FAT3: variants seen among roughly 807,000 people sequenced by gnomAD.
The protein encoded by FAT3 is FAT atypical cadherin 3, also known as protocadherin Fat 3.
A neutral mutation model predicts 310.2 loss-of-function variants in FAT3; 95 were observed. That is an observed-to-expected ratio of 0.31 (90% CI 0.26 to 0.36). The LOEUF (loss-of-function observed/expected upper bound fraction) is 0.36, where lower values mean the gene tolerates loss of function less well. Among genes scored for constraint, FAT3 ranks in the 10% least tolerant of loss-of-function variants. The pLI, the probability that FAT3 is intolerant of heterozygous loss-of-function variation, is 1.00. For synonymous variants in FAT3, 2,314 were observed against 2,192.9 expected, an observed-to-expected ratio of 1.06 and a Z score of -1.54; for missense variants, 5,408 against 5,715.6, an observed-to-expected ratio of 0.95 and a Z score of 1.74.
At chr11:92,555,154 A>G (rs998444785) in intron 3 of FAT3, among the ~76,000 whole-genome samples, 1 of 152,202 alleles carries the variant, frequency 6.6e-6, no homozygotes, top group African/African-American at 2.4e-5. Context: ...GAAAATTTGC[A>G]GGTACTGCAA....
chr11:92,870,756 C>A (rs1031626236), intron 22 of FAT3, among the ~76,000 whole-genome samples: 1 of 152,232 alleles, frequency 6.6e-6, no homozygotes, highest in South Asian at 2.1e-4. Context: ...AGAAGCCTAA[C>A]TCCTGAGCTC....
chr11:92,609,482 T>A (rs1240445109), intron 3 of FAT3, among the ~76,000 whole-genome samples: 2 of 152,200 alleles, frequency 1.3e-5, no homozygotes, highest in African/African-American at 4.8e-5. Context: ...AAATCCCTGG[T>A]GGAATTTGAA....
intron 3 of FAT3, among the ~76,000 whole-genome samples, chr11:92,656,511 A>G (rs1324248802): frequency 6.6e-6 from 1 of 152,244 alleles, no homozygotes; most frequent in Non-Finnish European, 1.5e-5. Flanking sequence ...TTCTTGATGT[A>G]ATGGCACAAC....
intron 4 of FAT3, among the ~76,000 whole-genome samples, chr11:92,709,072 T>C (rs1182730964): frequency 6.6e-6 from 1 of 152,178 alleles, no homozygotes; most frequent in Non-Finnish European, 1.5e-5. Flanking sequence ...AGGAGCTCCA[T>C]AAATTAGTCT....
intron 3 of FAT3, among the ~76,000 whole-genome samples, chr11:92,554,166 A>G (rs1954924177): frequency 6.6e-6 from 1 of 152,006 alleles, no homozygotes; most frequent in African/African-American, 2.4e-5. Context: ...GGGAAGAAAG[A>G]AAATGAATGG....
intron 2 of FAT3, among the ~76,000 whole-genome samples, chr11:92,384,103 A>G (rs1949564759): frequency 6.6e-6 from 1 of 152,172 alleles, no homozygotes; most frequent in African/African-American, 2.4e-5. Context: ...TAAGTGTGGT[A>G]AGTCATTAAT....
chr11:92,229,795 C>CTTTTTT (rs375129999), intron 1 of FAT3, among the ~76,000 whole-genome samples: 1 of 107,918 alleles, frequency 9.3e-6, no homozygotes, highest in African/African-American at 3.4e-5. Flanking sequence ...GATTTTTTTT[C>CTTTTTT]TTTTTTTTTT....
chr11:92,662,956 G>A (rs1188415065), intron 3 of FAT3, among the ~76,000 whole-genome samples: 1 of 152,196 alleles, frequency 6.6e-6, no homozygotes, highest in African/African-American at 2.4e-5. Flanking sequence ...GATGTCCTGT[G>A]GGAATGGCCC....
In FAT3 at chr11:92,255,084, C is replaced by A. The variant is rs571642376; in HGVS notation, c.-18+29910C>A. ...GAAACATATCCAAAATTTATAGCAG[C>A]AAATATAATAGCTACTTTGCCTTTG... On this transcript the variant is annotated intron_variant, in intron 1 of 27. Coordinates refer to ENST00000525166, the MANE Select transcript of FAT3 (RefSeq NM_001367949.2). Among the ~76,000 whole-genome samples, 44 of 152,138 alleles carry A rather than the reference C, an allele frequency of 2.9e-4. No homozygotes were observed. The East Asian group carries it at 3.5e-3, about 12-fold the overall frequency.
chr11:92,801,422 G>T lies in FAT3; in HGVS notation c.8409G>T (p.Lys2803Asn), dbSNP rs771160027. The part of the protein sequence containing the change: ...DIVFTVDVDI[K>N]VLDLNDNKPV... Reference sequence around the variant, plus strand: ...TGTTTACTGTGGATGTAGATATCAAGGTATTGGATTTGAATGACAACAAGC... The same window carrying T: ...TGTTTACTGTGGATGTAGATATCAATGTATTGGATTTGAATGACAACAAGC... The change falls in exon 10 of 28, where the codon AAG becomes AAT. Residue 2803 changes from lysine (K) to asparagine (N), a missense_variant. By Grantham distance (94) the Lys-to-Asn change is moderately conservative. Around this residue, in one of 5 missense-constraint regions of FAT3, gnomAD observed 4,588 missense variants for 4,809.8 expected, o/e 0.95. Transcript: ENST00000525166. The T allele has an allele frequency of 1.2e-5, 20 of 1,613,760 alleles. No individual in the cohort carries two copies. The Admixed American group carries it at 3.3e-4, about 27-fold the overall frequency.
rs1209690619 is a variant in FAT3 at position 92,891,155 on chromosome 11, G to A, written c.*42G>A. 6.3e-7 allele frequency: 1 copy of A among 1,595,142 alleles called. No homozygotes were observed. The highest frequency in any genetic ancestry group is 8.5e-7 in the Non-Finnish European group (1 of 1,170,340). On this transcript the variant is annotated 3_prime_UTR_variant, in exon 28 of 28. Transcript: ENST00000525166. ...ACTTCACCCTGTTTGTTACAGAAAAGTGGAAGCAGATTGGCTGGGCTTCTG... is the reference window on the plus strand; with the variant it reads ...ACTTCACCCTGTTTGTTACAGAAAAATGGAAGCAGATTGGCTGGGCTTCTG...
intron 21 of FAT3, among the ~76,000 whole-genome samples, chr11:92,864,056 A>T (rs904651602): frequency 2.6e-5 from 4 of 152,206 alleles, no homozygotes; most frequent in African/African-American, 9.7e-5. Context: ...AATAAAAATA[A>T]AAAGCAAGCT....
intron 3 of FAT3, among the ~76,000 whole-genome samples, chr11:92,654,861 G>GA (rs1487758872): frequency 6.6e-6 from 1 of 151,966 alleles, no homozygotes; most frequent in Non-Finnish European, 1.5e-5. Context: ...ACTTCCTCCT[G>GA]AAAAAAATAA....
At chr11:92,228,234 G>A (rs58034533) in intron 1 of FAT3, among the ~76,000 whole-genome samples, 22,894 of 152,124 alleles carry the variant, frequency 0.15, 2,056 homozygotes, top group East Asian at 0.38. Flanking sequence ...AGGGTTTGTT[G>A]ACCAGCGACT....
chr11:92,519,576 A>T (rs1953613743), intron 2 of FAT3, among the ~76,000 whole-genome samples: 1 of 152,232 alleles, frequency 6.6e-6, no homozygotes, highest in South Asian at 2.1e-4. Flanking sequence ...TACTATTATA[A>T]GAGTGAAAAG....
chr11:92,873,429 T>G (rs751500720), intron 22 of FAT3, among the ~76,000 whole-genome samples: 16 of 152,216 alleles, frequency 1.1e-4, no homozygotes, highest in Non-Finnish European at 1.9e-4. Flanking sequence ...TCCACCTTTG[T>G]GCAGCAGGCA....
intron 3 of FAT3, among the ~76,000 whole-genome samples, chr11:92,574,216 A>G (rs1938342774): frequency 6.6e-6 from 1 of 152,150 alleles, no homozygotes; most frequent in African/African-American, 2.4e-5. Flanking sequence ...GTTAAATACA[A>G]ATGTCTGTGA....
intron 3 of FAT3, among the ~76,000 whole-genome samples, chr11:92,642,156 C>G (rs1390513134): frequency 6.6e-6 from 1 of 152,206 alleles, no homozygotes; most frequent in African/African-American, 2.4e-5. Flanking sequence ...GGAACTGATC[C>G]AAGCCAGCCA....
At chr11:92,581,654 A>T (rs939427302) in intron 3 of FAT3, among the ~76,000 whole-genome samples, 1 of 151,616 alleles carries the variant, frequency 6.6e-6, no homozygotes. Flanking sequence ...AGGTCTGCCA[A>T]GGGGGGGGAT....
Sources: gnomAD v4.1 joint callset for allele counts (sites outside exome capture counted in the v4.1 genomes callset) on GRCh38, gnomAD v4.1.1 for gene constraint, gnomAD v4.1.1 regional missense constraint, MANE v1.5 for transcripts, NCBI Gene and HGNC (gene_info 2026-07-23, HGNC 2026-07-21) for gene names.